The following STAB2 variants were observed in gnomAD, a reference collection of about 807,000 sequenced individuals.
The protein encoded by STAB2 is stabilin-2.
Under a neutral mutation model 338.1 loss-of-function variants are expected in STAB2, and 288 were observed. The ratio of observed to expected loss-of-function variants is 0.85; its 90% confidence interval spans 0.77 to 0.94. STAB2 has a LOEUF of 0.94. STAB2 is among the 40% of genes least tolerant of loss of function. The pLI, the probability that STAB2 is intolerant of heterozygous loss-of-function variation, is 0.00. For synonymous variants in STAB2, 1,202 were observed against 1,193.3 expected (o/e 1.01, Z -0.15); for missense variants, 3,141 against 3,210.1 (o/e 0.98, Z 0.52).
chr12:103,736,716 G>T (rs933659819), intron 52 of STAB2, among the ~76,000 whole-genome samples: 1 of 152,038 alleles, frequency 6.6e-6, no homozygotes, highest in Admixed American at 6.6e-5. Flanking sequence ...CCTCAGAGAG[G>T]TTCAGTGACT....
intron 8 of STAB2, among the ~76,000 whole-genome samples, chr12:103,639,922 G>A (rs1265567997): frequency 6.6e-6 from 1 of 152,152 alleles, no homozygotes; most frequent in African/African-American, 2.4e-5. Flanking sequence ...TATAAGCAAG[G>A]AGTATAAGCT....
intron 22 of STAB2, among the ~76,000 whole-genome samples, chr12:103,672,990 A>C (rs1875960063): frequency 1.3e-5 from 2 of 152,118 alleles, no homozygotes; most frequent in Non-Finnish European, 2.9e-5. Flanking sequence ...AAAATGGGGG[A>C]TATAAAAGTA....
intron 63 of STAB2, 94 bp from the exon 64 acceptor site, chr12:103,758,076 T>C: frequency 6.4e-7 from 1 of 1,562,446 alleles, no homozygotes; most frequent in South Asian, 1.2e-5. Flanking sequence ...ACCATGAATA[T>C]TCACAGATGG....
rs768725017 is a variant in STAB2, at chr12:103,713,594, T to C, written c.4412-49T>C. 2.9e-5 allele frequency: 47 copies of C among 1,603,548 alleles called. No homozygotes were observed. The East Asian group carries it at 9.6e-4, about 33-fold the overall frequency. Reference sequence around the variant, plus strand: ...AATGACTTGAGGAAAAATACATCAATGGCTTTTGCCCTTCCCTCTCCCCTT... The same window carrying C: ...AATGACTTGAGGAAAAATACATCAACGGCTTTTGCCCTTCCCTCTCCCCTT... On this transcript the variant is annotated intron_variant, in intron 41 of 68. Coordinates refer to ENST00000388887, the MANE Select transcript of STAB2 (RefSeq NM_017564.10).
At chr12:103,662,724 A>G in intron 17 of STAB2, 122 bp from the exon 18 acceptor site, 1 of 1,158,526 alleles carries the variant, frequency 8.6e-7, no homozygotes, top group Non-Finnish European at 1.2e-6. Context: ...CCCTCCAATG[A>G]AAAGTTAAGT....
chr12:103,740,553 T>C, intron 54 of STAB2, 77 bp from the exon 55 acceptor site: 1 of 1,536,404 alleles, frequency 6.5e-7, no homozygotes, highest in Non-Finnish European at 8.7e-7. Context: ...AAGACCTCCA[T>C]GAGGGCACAG....
rs774691546 is a variant in STAB2 at position 103,638,160 on chromosome 12, T to G, written c.854T>G (p.Phe285Cys). Residue 285 changes from phenylalanine (F) to cysteine (C), a missense_variant, in exon 8 of 69, where the codon TTT becomes TGT. Transcript: ENST00000388887. The stretch of plus-strand genomic sequence containing the variant: ...CCTGTGGACCCCTGCCAAATTAACT[T>G]TGGAAACTGCCCTACAAAGTCTACA... ...CLPVDPCQIN[F>C]GNCPTKSTVC... The G allele has an allele frequency of 6.2e-7, 1 of 1,614,154 alleles. No individual in the cohort carries two copies. The highest frequency in any genetic ancestry group is 8.5e-7 in the Non-Finnish European group (1 of 1,180,030).
intron 12 of STAB2, among the ~76,000 whole-genome samples, chr12:103,652,995 CTT>C (rs1016188674): frequency 9.2e-5 from 14 of 152,170 alleles, no homozygotes; most frequent in African/African-American, 3.1e-4. Context: ...GAAGGAGAAA[CTT>C]TGCTATAAAC....
At chr12:103,682,311 CAATTACAGA>C in intron 25 of STAB2, among the ~76,000 whole-genome samples, 1 of 152,240 alleles carries the variant, frequency 6.6e-6, no homozygotes, top group Non-Finnish European at 1.5e-5. Flanking sequence ...CCCTTGTGCA[CAATTACAGA>C]AATCAGGCCA....
intron 51 of STAB2, among the ~76,000 whole-genome samples, chr12:103,734,280 T>A (rs1390046517): frequency 6.8e-6 from 1 of 146,468 alleles, no homozygotes; most frequent in South Asian, 2.1e-4. Context: ...CAAGATCATA[T>A]AGGAGCAAGC....
intron 51 of STAB2, among the ~76,000 whole-genome samples, chr12:103,733,499 C>T (rs1020610935): frequency 3.3e-5 from 5 of 152,270 alleles, no homozygotes; most frequent in Admixed American, 2.6e-4. Context: ...AAAATGGCTG[C>T]TGAAAACAGT....
rs751229550 is a variant in STAB2 at position 103,727,290 on chromosome 12, C to T, written c.4875C>T (p.Val1625=). Residue 1625 remains valine (V), a synonymous_variant, in exon 47 of 69, where the codon GTC becomes GTT. Coordinates refer to ENST00000388887, the MANE Select transcript of STAB2 (RefSeq NM_017564.10). Reference sequence around the variant, plus strand: ...AGGAGCATTTCGTGAAAGATCTGGTCGGCCCAGGCCCCTTCACTGTTTTTG... The same window carrying T: ...AGGAGCATTTCGTGAAAGATCTGGTTGGCCCAGGCCCCTTCACTGTTTTTG... ...QLQEHFVKDL[V]GPGPFTVFAP... 1.9e-5 allele frequency: 31 copies of T among 1,614,210 alleles called. No homozygotes were observed. Among genetic ancestry groups the T allele is most frequent in the Middle Eastern group, 3.3e-4 (2 of 6,062 alleles).
rs1325856799 is a variant in STAB2 at position 103,637,142 on chromosome 12, A to T, written c.615A>T (p.Pro205=). 2 of 1,613,268 alleles carry T rather than the reference A, an allele frequency of 1.2e-6. No individual in the cohort carries two copies. The highest frequency in any genetic ancestry group is 1.7e-6 in the Non-Finnish European group (2 of 1,179,768). ...PIPECAALLC[P]ENSRCSPSTE... The stretch of plus-strand genomic sequence containing the variant: ...CTGAATGTGCAGCCTTGCTCTGCCC[A>T]GAAAATTCCAGATGTTCGCCTTCCA... The change falls in exon 7 of 69, where the codon CCA becomes CCT. Residue 205 remains proline (P), a synonymous_variant. Coordinates refer to ENST00000388887, the MANE Select transcript of STAB2 (RefSeq NM_017564.10).
Position 103,637,166 on chromosome 12 carries a change from C to T in STAB2, c.639C>T (p.Ser213=), listed in dbSNP as rs746670852. The T allele has an allele frequency of 1.2e-5, 20 of 1,612,596 alleles. 1 individual carries two copies. The Admixed American group carries it at 3.4e-4, about 27-fold the overall frequency. ...LCPENSRCSP[S]TEDENKLECK... ...CAGAAAATTCCAGATGTTCGCCTTC[C>T]ACTGAAGATGAAAACAAACTGGAAT... Residue 213 remains serine (S), a synonymous_variant, in exon 7 of 69, where the codon TCC becomes TCT. Transcript: ENST00000388887.
intron 19 of STAB2, among the ~76,000 whole-genome samples, chr12:103,667,396 C>A (rs1408365155): frequency 6.6e-6 from 1 of 152,126 alleles, no homozygotes; most frequent in Non-Finnish European, 1.5e-5. Flanking sequence ...TATATTATCA[C>A]CATAACCAAT....
rs766516074 is a variant in STAB2, at chr12:103,711,495, G to C, written c.4313G>C (p.Gly1438Ala). 1.5e-5 allele frequency: 24 copies of C among 1,613,946 alleles called. No individual in the cohort carries two copies. The highest frequency in any genetic ancestry group is 6.7e-5 in the Admixed American group (4 of 60,004). Residue 1438 changes from glycine (G) to alanine (A), a missense_variant, in exon 40 of 69, where the codon GGG becomes GCG. Physicochemically the swap from Gly to Ala is moderately conservative, Grantham distance 60. Transcript: ENST00000388887. The stretch of plus-strand genomic sequence containing the variant: ...GCAACCACAGAAGACAACTGCAATG[G>C]GACATGCCATACCAGCGCCAAGTAG... ...DNATTEDNCN[G>A]TCHTSANCLT...
At chr12:103,645,557 G>A (rs1029169505) in intron 9 of STAB2, among the ~76,000 whole-genome samples, 69 of 152,212 alleles carry the variant, frequency 4.5e-4, no homozygotes, top group African/African-American at 1.6e-3. Context: ...GTAACTTATA[G>A]TAGGATTAAT....
chr12:103,622,851 T>C (rs1005903860), intron 5 of STAB2, among the ~76,000 whole-genome samples: 3 of 152,230 alleles, frequency 2.0e-5, no homozygotes, highest in Admixed American at 1.3e-4. Flanking sequence ...CTCTGGGCTC[T>C]TTCTGGATCC....
intron 59 of STAB2, among the ~76,000 whole-genome samples, chr12:103,750,091 G>A (rs10431459): frequency 5.3e-5 from 8 of 151,864 alleles, no homozygotes; most frequent in Non-Finnish European, 1.2e-4. Flanking sequence ...TTGTTGTGGG[G>A]ATTAAAGGAG....
Sources: gnomAD v4.1 joint callset for allele counts (sites outside exome capture counted in the v4.1 genomes callset) on GRCh38, gnomAD v4.1.1 for gene constraint, MANE v1.5 for transcripts, NCBI Gene and HGNC (gene_info 2026-07-23, HGNC 2026-07-21) for gene names.